The following CAB39 variants were observed in gnomAD, a reference collection of about 807,000 sequenced individuals.
The protein encoded by CAB39 is calcium binding protein 39, also known as calcium-binding protein 39.
Under a neutral mutation model 40.0 loss-of-function variants are expected in CAB39, and 8 were observed. The ratio of observed to expected loss-of-function variants is 0.20; its 90% CI spans 0.12 to 0.36. The LOEUF is 0.36. Ranked by LOEUF, CAB39 falls within the 10% of genes least tolerant of loss-of-function variation. CAB39 has a pLI of 1.00. For synonymous variants in CAB39, 156 were observed against 141.6 expected, an observed-to-expected ratio of 1.10 and a Z score of -0.72; for missense variants, 270 against 401.1, an observed-to-expected ratio of 0.67 and a Z score of 2.79.
At chr2:230,804,614 G>A (rs919000887) in intron 5 of CAB39, among the ~76,000 whole-genome samples, 4 of 152,162 alleles carry the variant, frequency 2.6e-5, no homozygotes, top group African/African-American at 2.4e-5. Context: ...TTCAAAAGAA[G>A]ACATTTATGC....
intron 5 of CAB39, among the ~76,000 whole-genome samples, chr2:230,803,691 A>G (rs1272620784): frequency 6.6e-6 from 1 of 152,260 alleles, no homozygotes; most frequent in East Asian, 1.9e-4. Context: ...AGTGCAACTT[A>G]CAAGGGATGT....
intron 2 of CAB39, chr2:230,779,124 T>A (rs1695644897): frequency 1.3e-5 from 2 of 152,154 alleles, no homozygotes; most frequent in African/African-American, 4.8e-5. Flanking sequence ...TTAAATGTAA[T>A]TAAAGATGAA....
intron 2 of CAB39, among the ~76,000 whole-genome samples, chr2:230,761,274 TGTCATA>T (rs1695285746): frequency 6.6e-6 from 1 of 152,212 alleles, no homozygotes; most frequent in Non-Finnish European, 1.5e-5. Context: ...CAGCCACCAA[TGTCATA>T]GTCTCTGGTT....
chr2:230,782,816 T>TCTTTCTTTC (rs776489345), intron 2 of CAB39, among the ~76,000 whole-genome samples: 9 of 123,562 alleles, frequency 7.3e-5, no homozygotes, highest in Non-Finnish European at 1.5e-4. Flanking sequence ...TTTCTTTCTT[T>TCTTTCTTTC]TTTTTTTTTT....
chr2:230,753,222 G>A (rs1695120318), intron 1 of CAB39, among the ~76,000 whole-genome samples: 1 of 152,198 alleles, frequency 6.6e-6, no homozygotes, highest in South Asian at 2.1e-4. Context: ...TGTCCATGCG[G>A]ATTCAGCTTG....
intron 2 of CAB39, among the ~76,000 whole-genome samples, chr2:230,788,249 T>G (rs1427691555): frequency 1.3e-5 from 2 of 151,550 alleles, no homozygotes; most frequent in African/African-American, 4.8e-5. Context: ...TTTTTCGGTT[T>G]TTTTTTTTTT....
chr2:230,810,473 T>A, intron 6 of CAB39, 151 bp downstream of exon 6: 1 of 409,506 alleles, frequency 2.4e-6, no homozygotes, highest in Non-Finnish European at 4.5e-6. Context: ...CTTAAACAAC[T>A]TATAGAATAT....
intron 1 of CAB39, among the ~76,000 whole-genome samples, chr2:230,738,033 C>T (rs1266541181): frequency 2.6e-5 from 4 of 152,158 alleles, no homozygotes; most frequent in Admixed American, 6.5e-5. Context: ...TCATTTTTCT[C>T]GCCTTATCAT....
rs754652850 is a variant in CAB39 at position 230,818,551 on chromosome 2, C to G, written c.873C>G (p.Ile291Met). The change falls in exon 9 of 9, where the codon ATC becomes ATG. Residue 291 changes from isoleucine to methionine, a missense_variant. Ile to Met is a conservative substitution (Grantham distance 10). Transcript: ENST00000258418. ...CCAATCCTAACAAGACGCAGCCCAT[C>G]CTAGACATCCTCCTCAAGAACCAGG... ...FVANPNKTQP[I>M]LDILLKNQAK... 1.9e-6 allele frequency: 3 copies of G among 1,613,968 alleles called. No individual in the cohort carries two copies. In the Admixed American group the frequency reaches 5.0e-5, roughly 27 times the overall value.
In CAB39 at chr2:230,746,670, C is replaced by T. The variant is rs537453465; in HGVS notation, c.-43-13289C>T. Reference sequence around the variant, plus strand: ...TATAGGCACTTTGCTAGATTTCCTGCTCACTTACCCTCCAAGAGCATCTTG... The same window carrying T: ...TATAGGCACTTTGCTAGATTTCCTGTTCACTTACCCTCCAAGAGCATCTTG... On this transcript the variant is annotated intron_variant, in intron 1 of 8. Coordinates refer to ENST00000258418, the MANE Select transcript of CAB39 (RefSeq NM_016289.4). Among the ~76,000 whole-genome samples, 5 of 152,302 alleles carry T rather than the reference C, an allele frequency of 3.3e-5. No homozygotes were observed. The South Asian group carries it at 1.0e-3, about 32-fold the overall frequency.
At chr2:230,808,376 C>T (rs188492111) in intron 5 of CAB39, among the ~76,000 whole-genome samples, 52 of 152,284 alleles carry the variant, frequency 3.4e-4, no homozygotes, top group African/African-American at 1.1e-3. Flanking sequence ...CAGCAGTGAA[C>T]CCTACAGACA....
intron 4 of CAB39, among the ~76,000 whole-genome samples, chr2:230,794,654 A>G (rs990670573): frequency 1.3e-5 from 2 of 152,198 alleles, no homozygotes; most frequent in Admixed American, 6.5e-5. Flanking sequence ...AGGAAGTAGC[A>G]TGGAGAATGC....
chr2:230,818,062 C>A (rs1696434543), intron 8 of CAB39, 165 bp downstream of exon 8: 2 of 614,726 alleles, frequency 3.3e-6, no homozygotes, highest in South Asian at 4.8e-5. Context: ...GAAAGGTAGA[C>A]CTGGAAACGG....
intron 1 of CAB39, among the ~76,000 whole-genome samples, chr2:230,729,002 G>A (rs562821321): frequency 1.3e-5 from 2 of 152,262 alleles, no homozygotes; most frequent in African/African-American, 2.4e-5. Context: ...ACAAAACCTG[G>A]TATTTACTGT....
chr2:230,798,100 T>C lies in CAB39; in HGVS notation c.399-629T>C, dbSNP rs970889988. 7.2e-5 allele frequency among the ~76,000 whole-genome samples: 11 copies of C among 152,020 alleles called. No homozygotes were observed. The East Asian group carries it at 1.4e-3, about 19-fold the overall frequency. On this transcript the variant is annotated intron_variant, in intron 4 of 8. Transcript: ENST00000258418. ...GAAGCCAGAGACATGGAGATGAGCA[T>C]AGGGAAGGCTGTGTGCAGAGAGCTG...
chr2:230,748,831 A>AAAAAATATATATATATAT (rs1386799920), intron 1 of CAB39, among the ~76,000 whole-genome samples: 2 of 28,508 alleles, frequency 7.0e-5, no homozygotes, highest in African/African-American at 1.3e-4. Context: ...AAAAAAAAAA[A>AAAAAATATATATATATAT]ATATATATAT....
chr2:230,775,894 T>C (rs559800625), intron 2 of CAB39, among the ~76,000 whole-genome samples: 1 of 152,104 alleles, frequency 6.6e-6, no homozygotes, highest in East Asian at 1.9e-4. Flanking sequence ...GTAAATAATA[T>C]AATATAGAGG....
chr2:230,808,457 G>A (rs1037319621), intron 5 of CAB39, among the ~76,000 whole-genome samples: 3 of 152,206 alleles, frequency 2.0e-5, no homozygotes, highest in Admixed American at 6.5e-5. Flanking sequence ...GTTAAATGGT[G>A]CTGTCCGTAC....
intron 1 of CAB39, among the ~76,000 whole-genome samples, chr2:230,719,581 T>G (rs914566630): frequency 6.6e-6 from 1 of 152,220 alleles, no homozygotes; most frequent in East Asian, 1.9e-4. Flanking sequence ...AGATAGTATT[T>G]AATTTCTACA....
Sources: gnomAD v4.1 joint callset for allele counts (sites outside exome capture counted in the v4.1 genomes callset) on GRCh38, gnomAD v4.1.1 for gene constraint, MANE v1.5 for transcripts, NCBI Gene and HGNC (gene_info 2026-07-23, HGNC 2026-07-21) for gene names.